The following LRPAP1 variants were observed in gnomAD, a reference collection of about 807,000 sequenced individuals.
LRPAP1 encodes LDL receptor related protein associated protein 1, also known as alpha-2-macroglobulin receptor-associated protein.
A neutral mutation model predicts 39.9 loss-of-function variants in LRPAP1; 41 were observed. That is an observed-to-expected ratio of 1.03 (90% confidence interval 0.80 to 1.33). LRPAP1 has a LOEUF of 1.33. Ranked by LOEUF, LRPAP1 falls within the 40% of genes most tolerant of loss-of-function variation. The pLI is 0.00. For synonymous variants in LRPAP1, 263 were observed against 212.7 expected (o/e 1.24, Z -2.06); for missense variants, 565 against 482.3 (o/e 1.17, Z -1.61).
rs76392838 is a variant in LRPAP1 at position 3,522,528 on chromosome 4, G to A, written c.350-2335C>T. The stretch of plus-strand genomic sequence containing the variant: ...CACTCCCTGCCTGGGGAGGACGGAC[G>A]TCATCCCACACGCCCTGCCCGGGGA... On this transcript the variant is annotated intron_variant, in intron 2 of 7. Transcript: ENST00000650182. 0.028 allele frequency among the ~76,000 whole-genome samples: 601 copies of A among 21,104 alleles called. 19 individuals are homozygous for A. In the East Asian group the frequency reaches 0.29, roughly 10 times the overall value. 13.8% of individuals were successfully genotyped at this position (21,104 alleles called of 152,430 possible).
chr4:3,524,466 C>A (rs999773810), intron 2 of LRPAP1, among the ~76,000 whole-genome samples: 12 of 152,262 alleles, frequency 7.9e-5, no homozygotes, highest in African/African-American at 2.9e-4. Context: ...CCTTCCTGCA[C>A]CCAGAGCCCC....
intron 1 of LRPAP1, among the ~76,000 whole-genome samples, chr4:3,527,962 G>T (rs1229184405): frequency 6.6e-6 from 1 of 152,216 alleles, no homozygotes; most frequent in Admixed American, 6.5e-5. Flanking sequence ...AGGCAACAGG[G>T]GGTCTAAATT....
chr4:3,524,465 A>C (rs1403528362), intron 2 of LRPAP1, among the ~76,000 whole-genome samples: 1 of 152,164 alleles, frequency 6.6e-6, no homozygotes, highest in East Asian at 1.9e-4. Context: ...CCCTTCCTGC[A>C]CCCAGAGCCC....
chr4:3,522,648 C>T (rs1794419), intron 2 of LRPAP1, among the ~76,000 whole-genome samples: 1 of 118,536 alleles, frequency 8.4e-6, no homozygotes, highest in African/African-American at 3.1e-5. Context: ...ACACCCCCTG[C>T]CTGGGGAGGA....
intron 1 of LRPAP1, among the ~76,000 whole-genome samples, chr4:3,526,014 G>A (rs1306033063): frequency 2.0e-5 from 3 of 152,256 alleles, no homozygotes; most frequent in Non-Finnish European, 4.4e-5. Flanking sequence ...TCCGTGCAGA[G>A]CAGAGTGGCC....
In LRPAP1 at chr4:3,522,693, C is replaced by T. The variant is rs1241941896; in HGVS notation, c.349+2214G>A. On this transcript the variant is annotated intron_variant, in intron 2 of 7. Transcript: ENST00000650182. ...CCCCACACCCCCTGCCTGGGGAGGACAGACGCCGCCCCACACCCCCTGCCT... is the reference window on the plus strand; with the variant it reads ...CCCCACACCCCCTGCCTGGGGAGGATAGACGCCGCCCCACACCCCCTGCCT... 9.3e-5 allele frequency among the ~76,000 whole-genome samples: 7 copies of T among 75,634 alleles called. 1 individual carries two copies. The highest frequency in any genetic ancestry group is 6.6e-4 in the Admixed American group (4 of 6,022). 49.6% of individuals were successfully genotyped at this position (75,634 alleles called of 152,430 possible).
In LRPAP1 at chr4:3,532,211, G is replaced by C; in HGVS notation, c.202C>G (p.Arg68Gly). 1.9e-6 allele frequency: 3 copies of C among 1,549,758 alleles called. No homozygotes were observed. The highest frequency in any genetic ancestry group is 2.7e-5 in the African/African-American group (2 of 73,042). ...CACCGACCGCGGGCCGCGCTCACTC[G>C]CTGGGCCTTCTCCCACAGCTGGTTC... ...KLNQLWEKAQ[R>G]LHLPPVRLAE... The change falls in exon 1 of 8, where the codon CGA becomes GGA. Residue 68 changes from arginine (R) to glycine (G), a missense_variant and splice_region_variant. Coordinates refer to ENST00000650182, the MANE Select transcript of LRPAP1 (RefSeq NM_002337.4).
At chr4:3,530,934 G>T (rs1426215575) in intron 1 of LRPAP1, among the ~76,000 whole-genome samples, 1 of 152,090 alleles carries the variant, frequency 6.6e-6, no homozygotes, top group Non-Finnish European at 1.5e-5. Flanking sequence ...TTCCTCATGG[G>T]GAGGGGGGAC....
rs9995685 is a variant in LRPAP1 at position 3,512,589 on chromosome 4, T to A, written c.*385A>T. ...GGGTGGTTTAAATACTGCACTCTAT[T>A]TTTTAAGGACTCTGTGCATGGTATT... is the stretch of plus-strand genomic sequence containing the variant. On this transcript the variant is annotated 3_prime_UTR_variant, in exon 8 of 8. Coordinates refer to ENST00000650182, the MANE Select transcript of LRPAP1 (RefSeq NM_002337.4). The A allele has an allele frequency of 6.8e-3, 1,358 of 201,154 alleles. 24 individuals are homozygous for A. Among genetic ancestry groups the A allele is most frequent in the African/African-American group, 0.029 (1,268 of 43,294 alleles). The allele number at this position is 201,154 out of a possible 1,614,324, so 12.5% of individuals were successfully genotyped here.
rs942909203 is a variant in LRPAP1 at position 3,510,393 on chromosome 4, C to G, written c.*2581G>C. 6.6e-6 allele frequency: 1 copy of G among 152,274 alleles called. No homozygotes were observed. The highest frequency in any genetic ancestry group is 1.5e-5 in the Non-Finnish European group (1 of 68,082). The allele number at this position is 152,274 out of a possible 1,614,324, so 9.4% of individuals were successfully genotyped here. On this transcript the variant is annotated 3_prime_UTR_variant, in exon 8 of 8. Coordinates refer to ENST00000650182, the MANE Select transcript of LRPAP1 (RefSeq NM_002337.4). ...TATGGGAGGTCAAGGGTGCAGTGAG[C>G]TGAGATCACGCTACTGCACTCCAGC...
intron 2 of LRPAP1, among the ~76,000 whole-genome samples, chr4:3,524,562 T>C (rs1468348695): frequency 6.6e-6 from 1 of 152,200 alleles, no homozygotes; most frequent in Non-Finnish European, 1.5e-5. Flanking sequence ...GCTCGGAGGA[T>C]AGCCCCCCGC....
rs71180190 is a variant in LRPAP1, at chr4:3,504,745, C to CAA, written c.*8227_*8228dup. ...AGCCTGAGCAATTGAGATTCCATCT[C>CAA]AAAAAAAAAAAAAAAAAAACCAAAA... On this transcript the variant is annotated 3_prime_UTR_variant, in exon 8 of 8. Transcript: ENST00000650182. Among the ~76,000 whole-genome samples the CAA allele has an allele frequency of 8.3e-3, 728 of 87,230 alleles. 23 individuals carry two copies. The highest frequency in any genetic ancestry group is 0.064 in the Admixed American group (503 of 7,872). 57.2% of individuals were successfully genotyped at this position (87,230 alleles called of 152,430 possible).
chr4:3,516,073 C>T lies in LRPAP1; in HGVS notation c.834+43G>A, dbSNP rs75389260. 1,228 of 1,531,074 alleles carry T rather than the reference C, an allele frequency of 8.0e-4. 12 individuals are homozygous for T. In the African/African-American group the frequency reaches 0.015, roughly 18 times the overall value. The allele number at this position is 1,531,074 out of a possible 1,614,324, so 94.8% of individuals were successfully genotyped here. On this transcript the variant is annotated intron_variant, in intron 6 of 7. Coordinates refer to ENST00000650182, the MANE Select transcript of LRPAP1 (RefSeq NM_002337.4). The stretch of plus-strand genomic sequence containing the variant: ...TACCCGGAAACTGCAAGAGAATCTT[C>T]ACCACAGGAGAGAGCTAGAAGGAGA...
chr4:3,518,298 T>A, intron 4 of LRPAP1, 106 bp from the exon 5 acceptor site: 1 of 1,251,428 alleles, frequency 8.0e-7, no homozygotes, highest in African/African-American at 1.5e-5. Flanking sequence ...TCGCTCTCAT[T>A]TCTGGGCTGA....
rs1730764 is a variant in LRPAP1, at chr4:3,509,338, T to C, written c.*3636A>G. 5 of 52 alleles carry C rather than the reference T, an allele frequency of 0.096. No homozygotes were observed. Among genetic ancestry groups the C allele is most frequent in the South Asian group, 0.5 (1 of 2 alleles). The allele number at this position is 52 out of a possible 1,614,324, so 0.0% of individuals were successfully genotyped here. ...GTCAACGCGTGGACACCGGAGACTGTTGAGACGCCGACTGGAGTCACACAC... is the reference window on the plus strand; with the variant it reads ...GTCAACGCGTGGACACCGGAGACTGCTGAGACGCCGACTGGAGTCACACAC... On this transcript the variant is annotated 3_prime_UTR_variant, in exon 8 of 8. Coordinates refer to ENST00000650182, the MANE Select transcript of LRPAP1 (RefSeq NM_002337.4).
In LRPAP1 at chr4:3,504,451, T is replaced by G. The variant is rs1054546068; in HGVS notation, c.*8523A>C. 1 of 151,910 alleles carries G rather than the reference T, an allele frequency of 6.6e-6. No homozygotes were observed. The highest frequency in any genetic ancestry group is 6.6e-5 in the Admixed American group (1 of 15,260). 9.4% of individuals were successfully genotyped at this position (151,910 alleles called of 1,614,324 possible). A position where few individuals can be genotyped will look rare whatever the true frequency, so the allele number is the denominator to read the frequency against. On this transcript the variant is annotated 3_prime_UTR_variant, in exon 8 of 8. Transcript: ENST00000650182. ...CAACATGGTGAAGTCCTGTCTCTAC[T>G]AAAAACAGAAAAATTAGGCCAGGCA...
intron 1 of LRPAP1, among the ~76,000 whole-genome samples, chr4:3,526,342 C>T (rs539872181): frequency 1.3e-5 from 2 of 152,336 alleles, no homozygotes; most frequent in South Asian, 2.1e-4. Flanking sequence ...CATCACCTAA[C>T]GCCTGTCTCT....
At position 3,508,895 on chromosome 4, in the gene LRPAP1, C is replaced by T. The variant is rs957645145; in HGVS notation, c.*4079G>A. 4 of 151,934 alleles carry T rather than the reference C, an allele frequency of 2.6e-5. No individual in the cohort carries two copies. The highest frequency in any genetic ancestry group is 5.9e-5 in the Non-Finnish European group (4 of 68,002). The allele number at this position is 151,934 out of a possible 1,614,324, so 9.4% of individuals were successfully genotyped here. A position where few individuals can be genotyped will look rare whatever the true frequency, so the allele number is the denominator to read the frequency against. Reference sequence around the variant, plus strand: ...CGAGCGCCGGCTCACCTCACCAGTGCAGTGAGAAGCCGAGGCACAGACTGA... The same window carrying T: ...CGAGCGCCGGCTCACCTCACCAGTGTAGTGAGAAGCCGAGGCACAGACTGA... On this transcript the variant is annotated 3_prime_UTR_variant, in exon 8 of 8. Transcript: ENST00000650182.
chr4:3,525,182 G>A (rs766252611), intron 1 of LRPAP1, 131 bp from the exon 2 acceptor site: 7 of 1,003,518 alleles, frequency 7.0e-6, no homozygotes, highest in Non-Finnish European at 1.1e-5. Context: ...CAGGGTCACT[G>A]TCAGCAGGAT....
Sources: allele counts gnomAD v4.1 joint callset (sites outside exome capture counted in the v4.1 genomes callset), GRCh38; gene constraint gnomAD v4.1.1; transcripts MANE v1.5; gene names NCBI Gene and HGNC (gene_info 2026-07-23, HGNC 2026-07-21).